Variants in TMEM140 observed in about 807,000 individuals in gnomAD.
The protein encoded by TMEM140 is transmembrane protein 140.
For synonymous variants in TMEM140, 107 were observed against 106.8 expected, an observed-to-expected ratio of 1.00 and a Z score of -0.01; for missense variants, 236 against 228.5, an observed-to-expected ratio of 1.03 and a Z score of -0.21.
At chr7:135,163,526 T>G (rs192198705) in intron 1 of TMEM140, among the ~76,000 whole-genome samples, 1 of 152,210 alleles carries the variant, frequency 6.6e-6, no homozygotes, top group Admixed American at 6.5e-5. Context: ...GTGCCTGTAG[T>G]CCCAGCTACT....
intron 1 of TMEM140, among the ~76,000 whole-genome samples, chr7:135,156,134 A>T (rs757641817): frequency 6.6e-6 from 1 of 151,342 alleles, no homozygotes; most frequent in African/African-American, 2.4e-5. Flanking sequence ...GAGATTTGGG[A>T]TTTCCTTTAT....
At chr7:135,157,522 G>T (rs556358591) in intron 1 of TMEM140, among the ~76,000 whole-genome samples, 1 of 152,248 alleles carries the variant, frequency 6.6e-6, no homozygotes, top group Non-Finnish European at 1.5e-5. Flanking sequence ...TGGTTAGTGG[G>T]TCTTGGAGGG....
At chr7:135,152,671 C>T (rs1562922139) in intron 1 of TMEM140, 1 of 152,188 alleles carries the variant, frequency 6.6e-6, no homozygotes, top group African/African-American at 2.4e-5. Flanking sequence ...AGACACCTTC[C>T]ACTGATCAAA....
rs1482932861 is a variant in TMEM140 at position 135,148,114 on chromosome 7, C to T, written c.-181C>T. On this transcript the variant is annotated 5_prime_UTR_variant, in exon 1 of 2. Coordinates refer to ENST00000275767, the MANE Select transcript of TMEM140 (RefSeq NM_018295.5). Reference sequence around the variant, plus strand: ...GCACGACTGCGAAGGCAAGGGGGCACCAGCTCAGGACTGCATCTGCCTGCC... The same window carrying T: ...GCACGACTGCGAAGGCAAGGGGGCATCAGCTCAGGACTGCATCTGCCTGCC... The T allele has an allele frequency of 1.3e-5, 6 of 456,012 alleles. No homozygotes were observed. Among genetic ancestry groups the T allele is most frequent in the Non-Finnish European group, 2.6e-5 (6 of 226,952 alleles). 28.2% of individuals were successfully genotyped at this position (456,012 alleles called of 1,614,324 possible).
chr7:135,152,718 C>T (rs1254984431), intron 1 of TMEM140: 2 of 152,194 alleles, frequency 1.3e-5, no homozygotes, highest in Non-Finnish European at 2.9e-5. Context: ...TCCCTGGTCC[C>T]CTTTGGCTTT....
At position 135,161,951 on chromosome 7, in the gene TMEM140, C is replaced by A. The variant is rs1829951482; in HGVS notation, c.-24-2467C>A. Among the ~76,000 whole-genome samples, 1 of 152,242 alleles carries A rather than the reference C, an allele frequency of 6.6e-6. No homozygotes were observed. Among genetic ancestry groups the A allele is most frequent in the Non-Finnish European group, 1.5e-5 (1 of 68,038 alleles). On this transcript the variant is annotated intron_variant, in intron 1 of 1. Transcript: ENST00000275767. The surrounding 1 kb of genome is among the most constrained non-coding windows in gnomAD (Gnocchi z 4.1). ...AGCGGCATCTGAGGGGAGGCGGTGG[C>A]AGTGTGGACCCCACCCTTACTGTAT...
chr7:135,160,105 C>T (rs1370560656), intron 1 of TMEM140, among the ~76,000 whole-genome samples: 2 of 152,154 alleles, frequency 1.3e-5, no homozygotes, highest in Non-Finnish European at 2.9e-5. Flanking sequence ...AAGTGGGATA[C>T]AAACATATAT....
At chr7:135,149,752 T>C (rs559236445) in intron 1 of TMEM140, among the ~76,000 whole-genome samples, 20 of 152,364 alleles carry the variant, frequency 1.3e-4, no homozygotes, top group African/African-American at 4.6e-4. Flanking sequence ...TTAATTACAT[T>C]AGAAAAGTTA....
chr7:135,154,349 C>T (rs10267690), intron 1 of TMEM140, among the ~76,000 whole-genome samples: 151,511 of 152,326 alleles, frequency 0.99, 75,353 homozygotes, highest in Middle Eastern at 1. Context: ...ATTTTTTGTC[C>T]CTGTTTCATT....
chr7:135,162,572 A>C (rs964147170), intron 1 of TMEM140, among the ~76,000 whole-genome samples: 1 of 152,252 alleles, frequency 6.6e-6, no homozygotes, highest in Non-Finnish European at 1.5e-5. Flanking sequence ...ACATGGCAGC[A>C]GGCAAGAGAA....
At position 135,151,589 on chromosome 7, in the gene TMEM140, T is replaced by C. The variant is rs954362645; in HGVS notation, c.-25+3319T>C. ...CTACCTGACTCTCCGTCAATTCCCG[T>C]TTCTCCCACTGAGCTATTGCTTCAG... On this transcript the variant is annotated intron_variant, in intron 1 of 1. Coordinates refer to ENST00000275767, the MANE Select transcript of TMEM140 (RefSeq NM_018295.5). The surrounding 1 kb of genome is among the most constrained non-coding windows in gnomAD (Gnocchi z 4.3). Among the ~76,000 whole-genome samples, 3 of 152,190 alleles carry C rather than the reference T, an allele frequency of 2.0e-5. No homozygotes were observed. The highest frequency in any genetic ancestry group is 1.3e-4 in the Admixed American group (2 of 15,276).
At chr7:135,159,831 A>T (rs1010830814) in intron 1 of TMEM140, among the ~76,000 whole-genome samples, 2 of 152,254 alleles carry the variant, frequency 1.3e-5, no homozygotes, top group African/African-American at 4.8e-5. Flanking sequence ...ATGAAGAAAA[A>T]CTATCAATGA....
At chr7:135,156,425 TG>T (rs770164650) in intron 1 of TMEM140, among the ~76,000 whole-genome samples, 41 of 152,140 alleles carry the variant, frequency 2.7e-4, no homozygotes, top group Non-Finnish European at 4.4e-5. Context: ...CATTTTTGTC[TG>T]ACTGGATTAT....
chr7:135,164,793 G>C lies in TMEM140; in HGVS notation c.352G>C (p.Gly118Arg). Reference protein sequence around the residue: ...SDERAWRLAVGFLAVSSVLLA... With the variant: ...SDERAWRLAVRFLAVSSVLLA... ...TGAGAGAGCGTGGCGGCTGGCAGTGGGCTTCCTGGCTGTGTCCTCTGTGCT... is the reference window on the plus strand; with the variant it reads ...TGAGAGAGCGTGGCGGCTGGCAGTGCGCTTCCTGGCTGTGTCCTCTGTGCT... The change falls in exon 2 of 2, where the codon GGC (glycine) becomes CGC (arginine). Residue 118 changes from glycine to arginine, a missense_variant. Gly to Arg is a moderately radical substitution (Grantham distance 125, BLOSUM62 -2). Coordinates refer to ENST00000275767, the MANE Select transcript of TMEM140 (RefSeq NM_018295.5). 3.7e-6 allele frequency: 6 copies of C among 1,614,154 alleles called. No individual in the cohort carries two copies. Among genetic ancestry groups the C allele is most frequent in the Non-Finnish European group, 5.1e-6 (6 of 1,179,976 alleles).
At position 135,151,257 on chromosome 7, in the gene TMEM140, GA is replaced by G. The variant is rs892306834; in HGVS notation, c.-25+2992del. The stretch of plus-strand genomic sequence containing the variant: ...GAGCTGCCACCACCTACACACTGTT[GA>G]AAAACACTGCAGTAGCCCTGTTTTG... On this transcript the variant is annotated intron_variant, in intron 1 of 1. Coordinates refer to ENST00000275767, the MANE Select transcript of TMEM140 (RefSeq NM_018295.5). The surrounding 1 kb of genome is among the most constrained non-coding windows in gnomAD (Gnocchi z 4.3). Among the ~76,000 whole-genome samples, 11 of 152,326 alleles carry G rather than the reference GA, an allele frequency of 7.2e-5. No individual in the cohort carries two copies. Among genetic ancestry groups the G allele is most frequent in the Admixed American group, 3.3e-4 (5 of 15,294 alleles).
intron 1 of TMEM140, among the ~76,000 whole-genome samples, chr7:135,157,464 G>T (rs1187835009): frequency 6.6e-6 from 1 of 152,236 alleles, no homozygotes. Context: ...GGCAACAGTG[G>T]GGTAAGTGTG....
intron 1 of TMEM140, chr7:135,153,249 A>C (rs1439319921): frequency 6.6e-6 from 1 of 152,182 alleles, no homozygotes; most frequent in African/African-American, 2.4e-5. Flanking sequence ...AGATCAGGAG[A>C]TCGAGACCAT....
At chr7:135,148,616 G>A (rs1829600630) in intron 1 of TMEM140, among the ~76,000 whole-genome samples, 1 of 152,176 alleles carries the variant, frequency 6.6e-6, no homozygotes, top group African/African-American at 2.4e-5. Context: ...TGTGGCTTGT[G>A]CAATACACTG....
chr7:135,149,208 G>C (rs1201814864), intron 1 of TMEM140, among the ~76,000 whole-genome samples: 1 of 151,066 alleles, frequency 6.6e-6, no homozygotes, highest in African/African-American at 2.4e-5. Flanking sequence ...CATAAATGTA[G>C]CACATAATTC....
Sources: gnomAD v4.1 joint callset for allele counts (sites outside exome capture counted in the v4.1 genomes callset) on GRCh38, gnomAD v4.1.1 for gene constraint, Gnocchi (gnomAD v3.1) non-coding constraint, MANE v1.5 for transcripts, NCBI Gene and HGNC (gene_info 2026-07-23, HGNC 2026-07-21) for gene names.